CCSER1: variants seen among roughly 807,000 people sequenced by gnomAD.
The protein encoded by CCSER1 is serine-rich coiled-coil domain-containing protein 1.
CCSER1 carries 41 observed loss-of-function variants against 82.0 expected under a neutral mutation model. The observed-to-expected ratio is 0.50, with a 90% confidence interval of 0.39 to 0.65. CCSER1 has a LOEUF of 0.65. Among genes scored for constraint, CCSER1 ranks in the 30% least tolerant of loss-of-function variants. The probability of loss-of-function intolerance (pLI) is 0.00; values close to 1 mark genes in which losing one functional copy is unlikely to be tolerated. For synonymous variants in CCSER1, 414 were observed against 383.9 expected (o/e 1.08, Z -0.92); for missense variants, 1,119 against 1,064.2 (o/e 1.05, Z -0.72).
chr4:90,164,792 C>G (rs1386664684), intron 1 of CCSER1, among the ~76,000 whole-genome samples: 2 of 151,978 alleles, frequency 1.3e-5, no homozygotes, highest in Non-Finnish European at 2.9e-5. Flanking sequence ...TAGTGAGCAC[C>G]CACCCATACC....
intron 5 of CCSER1, among the ~76,000 whole-genome samples, chr4:90,554,638 G>A (rs1300329097): frequency 6.6e-6 from 1 of 152,076 alleles, no homozygotes; most frequent in Non-Finnish European, 1.5e-5. Flanking sequence ...AATCCCCCAA[G>A]GACAGGAGCT....
chr4:90,222,760 A>T (rs1362322271), intron 1 of CCSER1, among the ~76,000 whole-genome samples: 2 of 152,156 alleles, frequency 1.3e-5, no homozygotes, highest in African/African-American at 4.8e-5. Context: ...AATGAATACA[A>T]ACTCTTTCTG....
At chr4:91,579,951 C>A (rs935493479) in intron 10 of CCSER1, among the ~76,000 whole-genome samples, 1 of 151,816 alleles carries the variant, frequency 6.6e-6, no homozygotes, top group Non-Finnish European at 1.5e-5. Flanking sequence ...TCTAAAGTAG[C>A]GTGATGCATT....
At chr4:90,442,845 T>A (rs915785253) in intron 4 of CCSER1, among the ~76,000 whole-genome samples, 1 of 152,170 alleles carries the variant, frequency 6.6e-6, no homozygotes, top group Non-Finnish European at 1.5e-5. Flanking sequence ...GAGAGGATTA[T>A]GCTGACAGAG....
At chr4:91,354,607 G>A (rs1695644198) in intron 10 of CCSER1, among the ~76,000 whole-genome samples, 1 of 152,170 alleles carries the variant, frequency 6.6e-6, no homozygotes, top group Non-Finnish European at 1.5e-5. Context: ...CGCCTTACAG[G>A]ATGAGTGAAT....
chr4:90,209,110 A>G (rs1485555390), intron 1 of CCSER1, among the ~76,000 whole-genome samples: 1 of 152,200 alleles, frequency 6.6e-6, no homozygotes, highest in Non-Finnish European at 1.5e-5. Context: ...TTACTTGTTT[A>G]TAAGAAATTG....
intron 9 of CCSER1, among the ~76,000 whole-genome samples, chr4:90,936,661 T>C (rs1281376260): frequency 6.6e-6 from 1 of 152,186 alleles, no homozygotes; most frequent in Non-Finnish European, 1.5e-5. Context: ...TCATTAAGTA[T>C]ATGAATGTTG....
At chr4:91,142,797 T>G (rs1379723133) in intron 10 of CCSER1, among the ~76,000 whole-genome samples, 1 of 152,126 alleles carries the variant, frequency 6.6e-6, no homozygotes, top group Non-Finnish European at 1.5e-5. Context: ...TGTAGTTGTG[T>G]GGCTTTTTTC....
chr4:91,085,851 A>G, intron 9 of CCSER1, 99 bp from the exon 10 acceptor site: 1 of 732,142 alleles, frequency 1.4e-6, no homozygotes, highest in Non-Finnish European at 2.4e-6. Flanking sequence ...TGTTACGAAT[A>G]AGTGAATTAT....
intron 3 of CCSER1, among the ~76,000 whole-genome samples, chr4:90,387,110 C>T (rs970814584): frequency 1.3e-5 from 2 of 151,682 alleles, no homozygotes; most frequent in African/African-American, 2.4e-5. Context: ...GAAGATTTGG[C>T]GGAAAGACAT....
rs969283009 is a variant in CCSER1, at chr4:90,432,581, C to T, written c.1603+32452C>T. ...TTCCTTCCTTCCTTCCTTCTTTCCTCTCTCTCTCTCTTTCTTTCTTTCTTT... is the reference window on the plus strand; with the variant it reads ...TTCCTTCCTTCCTTCCTTCTTTCCTTTCTCTCTCTCTTTCTTTCTTTCTTT... On this transcript the variant is annotated intron_variant, in intron 4 of 10. Coordinates refer to ENST00000509176, the MANE Select transcript of CCSER1 (RefSeq NM_001145065.2). 8.6e-5 allele frequency among the ~76,000 whole-genome samples: 13 copies of T among 151,206 alleles called. No homozygotes were observed. The East Asian group carries it at 2.5e-3, about 29-fold the overall frequency.
chr4:90,403,292 G>A (rs1262280528), intron 4 of CCSER1, among the ~76,000 whole-genome samples: 4 of 151,948 alleles, frequency 2.6e-5, no homozygotes, highest in African/African-American at 7.2e-5. Flanking sequence ...GAGGTCAGGA[G>A]ATCGAGACCA....
Position 91,605,213 on chromosome 4 carries a change from C to T in CCSER1, c.*6156C>T, listed in dbSNP as rs1046625120. On this transcript the variant is annotated 3_prime_UTR_variant, in exon 11 of 11. Transcript: ENST00000509176. ...AAAATTTCTCAATTTGGTTAATATTCTAAGAAAAGATTGATATATTTAAGC... is the reference window on the plus strand; with the variant it reads ...AAAATTTCTCAATTTGGTTAATATTTTAAGAAAAGATTGATATATTTAAGC... The T allele has an allele frequency of 1.3e-5, 2 of 151,774 alleles. No individual in the cohort carries two copies. The highest frequency in any genetic ancestry group is 4.8e-5 in the African/African-American group (2 of 41,322). The allele number at this position is 151,774 out of a possible 1,614,324, so 9.4% of individuals were successfully genotyped here. A position where few individuals can be genotyped will look rare whatever the true frequency, so the allele number is the denominator to read the frequency against.
At position 90,861,070 on chromosome 4, in the gene CCSER1, G is replaced by A. The variant is rs148917959; in HGVS notation, c.2094+45225G>A. Among the ~76,000 whole-genome samples the A allele has an allele frequency of 6.2e-3, 946 of 151,778 alleles. 11 individuals carry two copies. The highest frequency in any genetic ancestry group is 0.022 in the African/African-American group (905 of 41,514). ...ATGATAATAAAAAATCAGCAAGTAA[G>A]TATTGATGAATTAGGATATGTGCCA... On this transcript the variant is annotated intron_variant, in intron 8 of 10. Transcript: ENST00000509176.
intron 4 of CCSER1, among the ~76,000 whole-genome samples, chr4:90,447,805 G>C (rs1166982668): frequency 6.6e-6 from 1 of 151,694 alleles, no homozygotes; most frequent in Admixed American, 6.6e-5. Flanking sequence ...ATATATTTTT[G>C]GTAATAAATA....
intron 5 of CCSER1, among the ~76,000 whole-genome samples, chr4:90,546,208 T>C (rs1776725937): frequency 6.6e-6 from 1 of 152,100 alleles, no homozygotes; most frequent in Non-Finnish European, 1.5e-5. Context: ...TTCTTCTAAG[T>C]TTTTTCCTTT....
At chr4:91,185,615 C>T (rs1038126383) in intron 10 of CCSER1, among the ~76,000 whole-genome samples, 7 of 152,236 alleles carry the variant, frequency 4.6e-5, no homozygotes, top group African/African-American at 1.7e-4. Flanking sequence ...GGGCCCAGGA[C>T]AGGCCCCTCA....
intron 7 of CCSER1, chr4:90,780,329 C>A: frequency 1.8e-6 from 2 of 1,127,020 alleles, no homozygotes; most frequent in Non-Finnish European, 2.6e-6. Context: ...CGCTTCCCAT[C>A]TAAATTATCT....
intron 9 of CCSER1, among the ~76,000 whole-genome samples, chr4:90,979,142 C>T (rs1735875512): frequency 6.6e-6 from 1 of 151,080 alleles, no homozygotes; most frequent in Admixed American, 6.6e-5. Flanking sequence ...TGTATATAAA[C>T]ATAAATATAT....
Sources: allele counts gnomAD v4.1 joint callset (sites outside exome capture counted in the v4.1 genomes callset), GRCh38; gene constraint gnomAD v4.1.1; transcripts MANE v1.5; gene names NCBI Gene and HGNC (gene_info 2026-07-23, HGNC 2026-07-21).